GGA2: variants seen among roughly 807,000 people sequenced by gnomAD.
GGA2 encodes the protein golgi associated, gamma adaptin ear containing, ARF binding protein 2.
A neutral mutation model predicts 79.5 loss-of-function variants in GGA2; 48 were observed. That is an observed-to-expected ratio of 0.60 (90% CI 0.48 to 0.77). The LOEUF is 0.77. Ranked by LOEUF, GGA2 falls within the 30% of genes least tolerant of loss-of-function variation. GGA2 has a pLI of 0.00. For synonymous variants in GGA2, 317 were observed against 302.0 expected, an observed-to-expected ratio of 1.05 and a Z score of -0.51; for missense variants, 770 against 774.0, an observed-to-expected ratio of 0.99 and a Z score of 0.06.
intron 2 of GGA2, 87 bp from the exon 3 acceptor site, chr16:23,494,465 C>A (rs780483715): frequency 1.1e-6 from 1 of 883,420 alleles, no homozygotes; most frequent in South Asian, 1.3e-5. Context: ...AATCACTTTT[C>A]TTCCAGGGGC....
Position 23,479,202 on chromosome 16 carries a change from T to A in GGA2, c.1130-291A>T, listed in dbSNP as rs527295816. Among the ~76,000 whole-genome samples, 48 of 146,034 alleles carry A rather than the reference T, an allele frequency of 3.3e-4. 1 individual carries two copies. The highest frequency in any genetic ancestry group is 3.5e-4 in the Non-Finnish European group (23 of 65,970). On this transcript the variant is annotated intron_variant, in intron 11 of 16. Transcript: ENST00000309859. ...ATTGCCTCAGCAGCAGGTATGTGCT[T>A]CCTGAGGGGACCAGCTCACTCCCCT...
intron 9 of GGA2, among the ~76,000 whole-genome samples, chr16:23,481,516 T>C (rs1258117447): frequency 6.6e-6 from 1 of 152,248 alleles, no homozygotes; most frequent in African/African-American, 2.4e-5. Flanking sequence ...TTCACGCCTG[T>C]AATCCCAGCA....
At chr16:23,511,722 A>G (rs1226741408), upstream of GGA2, among the ~76,000 whole-genome samples, 1 of 152,200 alleles carries the variant, frequency 6.6e-6, no homozygotes, top group Non-Finnish European at 1.5e-5. Context: ...TTTTCCCAAA[A>G]AAGTATGTCA....
intron 8 of GGA2, among the ~76,000 whole-genome samples, chr16:23,483,259 C>A (rs560544803): frequency 2.0e-5 from 3 of 152,260 alleles, no homozygotes; most frequent in Admixed American, 6.5e-5. Flanking sequence ...GTAATCCCAG[C>A]ACTTTAGGAG....
chr16:23,523,803 C>T (rs1234552807), upstream of GGA2: 3 of 143,292 alleles, frequency 2.1e-5, no homozygotes, highest in African/African-American at 5.3e-5. Flanking sequence ...AACTGGTGTT[C>T]TTAGAAGAGG....
chr16:23,506,332 A>G (rs1019301967), intron 1 of GGA2, among the ~76,000 whole-genome samples: 3 of 152,012 alleles, frequency 2.0e-5, no homozygotes, highest in African/African-American at 7.2e-5. Flanking sequence ...GACTTAACCC[A>G]TCGTTCACTT....
upstream of GGA2, chr16:23,523,435 A>G (rs532554451): frequency 3.9e-5 from 6 of 152,372 alleles, no homozygotes; most frequent in South Asian, 1.2e-3. Context: ...AACGGAACAG[A>G]TGACGTTTAG....
chr16:23,495,378 T>C (rs974992522), intron 2 of GGA2: 3 of 191,454 alleles, frequency 1.6e-5, no homozygotes, highest in East Asian at 1.2e-4. Context: ...TGTGTTTTTT[T>C]TCCCCCACAT....
intron 1 of GGA2, among the ~76,000 whole-genome samples, chr16:23,508,742 G>A (rs1168817298): frequency 2.0e-5 from 3 of 152,070 alleles, no homozygotes; most frequent in Non-Finnish European, 2.9e-5. Flanking sequence ...CAAACCGTAC[G>A]TCCCACACTT....
chr16:23,503,400 T>C (rs1301012457), intron 1 of GGA2, among the ~76,000 whole-genome samples: 2 of 152,226 alleles, frequency 1.3e-5, no homozygotes, highest in Non-Finnish European at 2.9e-5. Context: ...ATTGTATTAG[T>C]TGTAATAATG....
At chr16:23,501,218 A>G (rs1417874122) in intron 1 of GGA2, 4 of 450,106 alleles carry the variant, frequency 8.9e-6, no homozygotes, top group East Asian at 1.4e-4. Flanking sequence ...TCCATGTGCA[A>G]TCGTAGCTTT....
Position 23,475,041 on chromosome 16 carries a change from C to T in GGA2, c.1313G>A (p.Ser438Asn). 2.5e-6 allele frequency: 4 copies of T among 1,581,454 alleles called. No homozygotes were observed. In the East Asian group the frequency reaches 9.0e-5, roughly 35 times the overall value. ...PCPLNYVSQK[S>N]VPKEVPPGTK... ...ACCTGGTGGCACTTCCTTGGGGACACTTTTCTGCGAAACATAATTCCTACA... is the reference window on the plus strand; with the variant it reads ...ACCTGGTGGCACTTCCTTGGGGACATTTTTCTGCGAAACATAATTCCTACA... The change falls in exon 14 of 17, where the codon AGT becomes AAT. Residue 438 changes from serine (S) to asparagine (N), a missense_variant. Transcript: ENST00000309859.
At chr16:23,490,739 G>GAA (rs1199570785) in intron 5 of GGA2, among the ~76,000 whole-genome samples, 8 of 89,408 alleles carry the variant, frequency 8.9e-5, no homozygotes, top group Non-Finnish European at 7.1e-5. Context: ...TGTCTCAAAA[G>GAA]AAAAAAAAAA....
chr16:23,503,944 G>A (rs1437399302), intron 1 of GGA2, among the ~76,000 whole-genome samples: 1 of 152,154 alleles, frequency 6.6e-6, no homozygotes, highest in Non-Finnish European at 1.5e-5. Flanking sequence ...AGCCAGGTAT[G>A]GTGCTGCATG....
intron 6 of GGA2, among the ~76,000 whole-genome samples, chr16:23,488,051 A>G (rs1964737709): frequency 6.6e-6 from 1 of 152,084 alleles, no homozygotes; most frequent in Non-Finnish European, 1.5e-5. Flanking sequence ...ACTGATGTCC[A>G]AGGAATAACG....
At chr16:23,478,236 A>AAAAAG in intron 13 of GGA2, 132 bp downstream of exon 13, 1 of 672,612 alleles carries the variant, frequency 1.5e-6, no homozygotes, top group Non-Finnish European at 2.3e-6. Flanking sequence ...AAAAAAAAAA[A>AAAAAG]AAAGAAAGAA....
Position 23,482,929 on chromosome 16 carries a change from C to T in GGA2, c.874G>A (p.Ala292Thr). The change falls in exon 9 of 17, where the codon GCA (alanine) becomes ACA (threonine). Residue 292 changes from alanine (A) to threonine (T), a missense_variant. Coordinates refer to ENST00000309859, the MANE Select transcript of GGA2 (RefSeq NM_015044.4). ...CCAAGGAAAGAAAACTTACCGAGTG[C>T]ATCATCGTCATCAGTGGTGTCACTC... is the stretch of plus-strand genomic sequence containing the variant. ...LASDTTDDDDALAEILQANDL... is the reference protein window; with the variant it reads ...LASDTTDDDDTLAEILQANDL... The T allele has an allele frequency of 6.3e-7, 1 of 1,597,680 alleles. No individual in the cohort carries two copies. The highest frequency in any genetic ancestry group is 8.6e-7 in the Non-Finnish European group (1 of 1,165,012).
chr16:23,509,958 A>G (rs1374631629), intron 1 of GGA2, among the ~76,000 whole-genome samples: 1 of 151,842 alleles, frequency 6.6e-6, no homozygotes, highest in Non-Finnish European at 1.5e-5. Flanking sequence ...AATAGAAGCC[A>G]GCTCGGGGTG....
At chr16:23,480,455 C>T (rs1964632606) in intron 10 of GGA2, 190 bp downstream of exon 10, 7 of 531,516 alleles carry the variant, frequency 1.3e-5, no homozygotes, top group Non-Finnish European at 2.0e-5. Context: ...TGGGGTCCAG[C>T]CCGGCAACCA....
Sources: gnomAD v4.1 joint callset for allele counts (sites outside exome capture counted in the v4.1 genomes callset) on GRCh38, gnomAD v4.1.1 for gene constraint, MANE v1.5 for transcripts, NCBI Gene and HGNC (gene_info 2026-07-23, HGNC 2026-07-21) for gene names.